The following CNTN4 variants were observed in gnomAD, a reference collection of about 807,000 sequenced individuals.
CNTN4 encodes the protein contactin-4.
A neutral mutation model predicts 122.5 loss-of-function variants in CNTN4; 77 were observed. The observed-to-expected ratio is 0.63, with a 90% confidence interval of 0.52 to 0.76. CNTN4 has a LOEUF of 0.76. CNTN4 is among the 30% of genes least tolerant of loss of function. The pLI, the probability that CNTN4 is intolerant of heterozygous loss-of-function variation, is 0.00. For synonymous variants in CNTN4, 512 were observed against 447.0 expected (o/e 1.15, Z -1.83); for missense variants, 1,256 against 1,259.1 (o/e 1.00, Z 0.04).
intron 4 of CNTN4, among the ~76,000 whole-genome samples, chr3:2,716,403 T>C (rs1186365390): frequency 6.6e-6 from 1 of 151,830 alleles, no homozygotes; most frequent in Non-Finnish European, 1.5e-5. Context: ...AGATACTCTA[T>C]GTAAAGCACA....
intron 7 of CNTN4, among the ~76,000 whole-genome samples, chr3:2,856,231 T>C (rs111465627): frequency 1.2e-4 from 18 of 152,328 alleles, no homozygotes; most frequent in African/African-American, 4.1e-4. Flanking sequence ...GGAGGAGAGA[T>C]GAGCAACTGA....
intron 6 of CNTN4, among the ~76,000 whole-genome samples, chr3:2,794,224 G>A (rs2092099500): frequency 6.6e-6 from 1 of 152,148 alleles, no homozygotes; most frequent in Non-Finnish European, 1.5e-5. Context: ...TGCAAAAAAT[G>A]TCTGGTGCCC....
chr3:2,363,989 G>T (rs1431717854), intron 3 of CNTN4, among the ~76,000 whole-genome samples: 1 of 151,998 alleles, frequency 6.6e-6, no homozygotes, highest in Admixed American at 6.5e-5. Flanking sequence ...TTGGAGAATA[G>T]AATATTTATA....
chr3:2,155,754 G>A (rs2035691925), intron 2 of CNTN4, among the ~76,000 whole-genome samples: 1 of 152,112 alleles, frequency 6.6e-6, no homozygotes, highest in South Asian at 2.1e-4. Flanking sequence ...CTCCAACACA[G>A]CTAGCTCTTG....
Position 2,920,924 on chromosome 3 carries a change from G to A in CNTN4, c.1208-4705G>A, listed in dbSNP as rs572174707. On this transcript the variant is annotated intron_variant, in intron 12 of 24. Transcript: ENST00000418658. Reference sequence around the variant, plus strand: ...AGTGAATTAGACCGAAACAATAGAAGGATGGATATTAGGAACACTAGAAGG... The same window carrying A: ...AGTGAATTAGACCGAAACAATAGAAAGATGGATATTAGGAACACTAGAAGG... Among the ~76,000 whole-genome samples, 8 of 152,240 alleles carry A rather than the reference G, an allele frequency of 5.3e-5. No individual in the cohort carries two copies. In the South Asian group the frequency reaches 1.5e-3, roughly 28 times the overall value.
At chr3:2,141,017 T>C (rs954740889) in intron 2 of CNTN4, among the ~76,000 whole-genome samples, 1 of 152,236 alleles carries the variant, frequency 6.6e-6, no homozygotes, top group Non-Finnish European at 1.5e-5. Context: ...TATGTGAAAC[T>C]TTCAAATGAG....
intron 6 of CNTN4, among the ~76,000 whole-genome samples, chr3:2,782,260 T>C (rs79246755): frequency 0.014 from 2,161 of 151,264 alleles, 53 homozygotes; most frequent in African/African-American, 0.049. Context: ...TTAAGAGCCC[T>C]GGTTGAGGAG....
intron 2 of CNTN4, among the ~76,000 whole-genome samples, chr3:2,183,607 G>T (rs558689149): frequency 6.6e-6 from 1 of 152,240 alleles, no homozygotes; most frequent in African/African-American, 2.4e-5. Context: ...AGACAATAGA[G>T]AATCTAGTTG....
chr3:2,457,278 C>T (rs2049039080), intron 3 of CNTN4, among the ~76,000 whole-genome samples: 1 of 152,086 alleles, frequency 6.6e-6, no homozygotes. Flanking sequence ...TTATTACCAT[C>T]ATTGCCATTG....
intron 3 of CNTN4, among the ~76,000 whole-genome samples, chr3:2,342,935 C>T (rs902168507): frequency 1.3e-5 from 2 of 152,102 alleles, no homozygotes; most frequent in African/African-American, 2.4e-5. Context: ...GAGATGCAAG[C>T]GGGCAGTGAC....
chr3:2,160,232 G>A (rs545331202), intron 2 of CNTN4, among the ~76,000 whole-genome samples: 20 of 152,240 alleles, frequency 1.3e-4, no homozygotes, highest in African/African-American at 4.8e-4. Flanking sequence ...GGAGGTGGAA[G>A]GCAGGTTGGC....
At chr3:2,564,887 C>T (rs186196635) in intron 3 of CNTN4, among the ~76,000 whole-genome samples, 3 of 152,172 alleles carry the variant, frequency 2.0e-5, no homozygotes, top group East Asian at 1.9e-4. Context: ...TGTGGACTCT[C>T]GGGCTATGGA....
intron 3 of CNTN4, among the ~76,000 whole-genome samples, chr3:2,370,297 A>G (rs2045583203): frequency 6.6e-6 from 1 of 152,222 alleles, no homozygotes; most frequent in African/African-American, 2.4e-5. Flanking sequence ...AATCCATTAA[A>G]ATGAAAAAAA....
At chr3:3,045,297 G>A (rs540267119) in intron 23 of CNTN4, among the ~76,000 whole-genome samples, 38 of 152,284 alleles carry the variant, frequency 2.5e-4, no homozygotes, top group Non-Finnish European at 4.6e-4. Context: ...CCCCCAGCAC[G>A]GAGTTTGAGA....
At chr3:2,592,564 A>C (rs2080549162) in intron 4 of CNTN4, among the ~76,000 whole-genome samples, 1 of 152,160 alleles carries the variant, frequency 6.6e-6, no homozygotes, top group African/African-American at 2.4e-5. Flanking sequence ...TGATGGTTTT[A>C]AAAACGGGAG....
chr3:2,830,518 G>C (rs1379775791), intron 7 of CNTN4, among the ~76,000 whole-genome samples: 1 of 152,178 alleles, frequency 6.6e-6, no homozygotes, highest in African/African-American at 2.4e-5. Context: ...AAGCAGTGAA[G>C]GATGACATTG....
At chr3:2,979,858 A>G (rs564749355) in intron 13 of CNTN4, among the ~76,000 whole-genome samples, 166 of 152,320 alleles carry the variant, frequency 1.1e-3, no homozygotes, top group Non-Finnish European at 2.0e-3. Context: ...AAGGCAAGCA[A>G]GGATACGCTG....
intron 3 of CNTN4, among the ~76,000 whole-genome samples, chr3:2,480,235 C>G (rs528395448): frequency 6.6e-6 from 1 of 152,168 alleles, no homozygotes; most frequent in African/African-American, 2.4e-5. Context: ...TCTACCACTG[C>G]TTTTCAGCAT....
At chr3:2,635,062 A>T (rs2082604751) in intron 4 of CNTN4, among the ~76,000 whole-genome samples, 1 of 152,070 alleles carries the variant, frequency 6.6e-6, no homozygotes, top group African/African-American at 2.4e-5. Context: ...CATCTAGGGG[A>T]ATTTGTAAGT....
Sources: gnomAD v4.1 joint callset for allele counts (sites outside exome capture counted in the v4.1 genomes callset) on GRCh38, gnomAD v4.1.1 for gene constraint, MANE v1.5 for transcripts, NCBI Gene and HGNC (gene_info 2026-07-23, HGNC 2026-07-21) for gene names.